CSNK1G1: variants seen among roughly 807,000 people sequenced by gnomAD.
CSNK1G1 encodes casein kinase 1 gamma 1.
A neutral mutation model predicts 59.6 loss-of-function variants in CSNK1G1; 22 were observed. The ratio of observed to expected loss-of-function variants is 0.37; its 90% CI spans 0.26 to 0.53. The LOEUF is 0.53. Among genes scored for constraint, CSNK1G1 ranks in the 20% least tolerant of loss-of-function variants. The pLI is 0.89. For missense variants in CSNK1G1, 384 were observed against 519.5 expected (o/e 0.74, Z 2.54); for synonymous variants, 179 against 177.1 (o/e 1.01, Z -0.08).
intron 2 of CSNK1G1, among the ~76,000 whole-genome samples, chr15:64,273,452 T>C (rs954632011): frequency 6.6e-6 from 1 of 152,192 alleles, no homozygotes; most frequent in African/African-American, 2.4e-5. Flanking sequence ...TGTAAATATT[T>C]TGTAAACTGC....
intron 2 of CSNK1G1, 76 bp from the exon 3 acceptor site, chr15:64,259,317 G>T: frequency 2.9e-6 from 3 of 1,031,858 alleles, no homozygotes; most frequent in South Asian, 1.5e-5. Context: ...TAGCTTACAG[G>T]GTCATGAGAA....
intron 4 of CSNK1G1, among the ~76,000 whole-genome samples, chr15:64,231,408 T>C (rs907955988): frequency 6.8e-6 from 1 of 147,202 alleles, no homozygotes; most frequent in African/African-American, 2.5e-5. Context: ...CTTGCTCATA[T>C]ATGTATATGT....
chr15:64,251,368 T>A lies in CSNK1G1; in HGVS notation c.292+144A>T, dbSNP rs1362178787. 5 of 577,606 alleles carry A rather than the reference T, an allele frequency of 8.7e-6. No individual in the cohort carries two copies. The Admixed American group carries it at 1.5e-4, about 18-fold the overall frequency. The allele number at this position is 577,606 out of a possible 1,614,324, so 35.8% of individuals were successfully genotyped here. Reference sequence around the variant, plus strand: ...AACCAGAGCGCAAGTAGCTTTGTGGTTGACTATGTTTATTTACCTATCCGG... The same window carrying A: ...AACCAGAGCGCAAGTAGCTTTGTGGATGACTATGTTTATTTACCTATCCGG... On this transcript the variant is annotated intron_variant, in intron 4 of 11. Coordinates refer to ENST00000303052, the MANE Select transcript of CSNK1G1 (RefSeq NM_022048.5).
intron 2 of CSNK1G1, among the ~76,000 whole-genome samples, chr15:64,269,771 G>A (rs1234005413): frequency 6.6e-6 from 1 of 151,768 alleles, no homozygotes; most frequent in Admixed American, 6.6e-5. Flanking sequence ...TGGGATTACA[G>A]GTGTGAGCCA....
At chr15:64,173,619 C>CTTTTTTTTTTTTTTTTTT (rs928192194) in intron 11 of CSNK1G1, among the ~76,000 whole-genome samples, 1 of 108,564 alleles carries the variant, frequency 9.2e-6, no homozygotes, top group Non-Finnish European at 1.9e-5. Context: ...CTTTTCTTTT[C>CTTTTTTTTTTTTTTTTTT]TTTTTTTTTT....
At chr15:64,343,723 G>A (rs1379073437) in intron 1 of CSNK1G1, among the ~76,000 whole-genome samples, 1 of 150,970 alleles carries the variant, frequency 6.6e-6, no homozygotes, top group East Asian at 2.0e-4. Flanking sequence ...ACTCGAAATT[G>A]AAGATATAAT....
At chr15:64,259,377 G>C in intron 2 of CSNK1G1, 136 bp from the exon 3 acceptor site, 1 of 613,902 alleles carries the variant, frequency 1.6e-6, no homozygotes, top group South Asian at 2.3e-5. Context: ...ATTTATAAGC[G>C]AAAAGCTACA....
At chr15:64,233,649 G>A (rs76752442) in intron 4 of CSNK1G1, among the ~76,000 whole-genome samples, 2,312 of 152,212 alleles carry the variant, frequency 0.015, 53 homozygotes, top group African/African-American at 0.046. Flanking sequence ...ACACACAACT[G>A]GAAAATTCGT....
chr15:64,259,474 A>C (rs2140330193), intron 2 of CSNK1G1, among the ~76,000 whole-genome samples: 1 of 139,560 alleles, frequency 7.2e-6, no homozygotes, highest in East Asian at 2.2e-4. Context: ...AGAGAAAACA[A>C]ATCTCTCTTA....
intron 1 of CSNK1G1, among the ~76,000 whole-genome samples, chr15:64,344,216 A>T (rs568511691): frequency 1.3e-5 from 2 of 152,220 alleles, no homozygotes; most frequent in Non-Finnish European, 2.9e-5. Context: ...ATATTTAAAG[A>T]TGCTGAAACT....
rs1165768581 is a variant in CSNK1G1, at chr15:64,352,447, C to CTTTTTTTTTTTTTTT, written c.-225+3526_-225+3540dup. ...ATCACAAAACATAATTTGAATTCTT[C>CTTTTTTTTTTTTTTT]TTTTTTTTTTTTTTTTTTTGAGATG... On this transcript the variant is annotated intron_variant, in intron 1 of 11. Transcript: ENST00000303052. Among the ~76,000 whole-genome samples, 19 of 89,426 alleles carry CTTTTTTTTTTTTTTT rather than the reference C, an allele frequency of 2.1e-4. 1 individual carries two copies. Among genetic ancestry groups the CTTTTTTTTTTTTTTT allele is most frequent in the African/African-American group, 7.0e-4 (16 of 22,734 alleles). The allele number at this position is 89,426 out of a possible 152,430, so 58.7% of individuals were successfully genotyped here.
intron 2 of CSNK1G1, among the ~76,000 whole-genome samples, chr15:64,273,093 G>T (rs73462593): frequency 0.015 from 2,252 of 152,248 alleles, 59 homozygotes; most frequent in African/African-American, 0.052. Context: ...AGAACCTATT[G>T]ATGAAGTTAA....
At chr15:64,224,758 G>A (rs558977154) in intron 4 of CSNK1G1, among the ~76,000 whole-genome samples, 5 of 152,124 alleles carry the variant, frequency 3.3e-5, no homozygotes, top group African/African-American at 9.7e-5. Flanking sequence ...CTGCTAACAC[G>A]AGCTCAAATT....
At chr15:64,321,258 C>CTT (rs371870605) in intron 1 of CSNK1G1, among the ~76,000 whole-genome samples, 7 of 140,028 alleles carry the variant, frequency 5.0e-5, no homozygotes, top group South Asian at 2.3e-4. Flanking sequence ...TCTTTTTTTC[C>CTT]TTTTTTTTTT....
intron 2 of CSNK1G1, among the ~76,000 whole-genome samples, chr15:64,280,652 C>A (rs1056043851): frequency 6.6e-6 from 1 of 151,920 alleles, no homozygotes; most frequent in African/African-American, 2.4e-5. Context: ...TGAGCCACTG[C>A]GCCCGGCCCC....
intron 8 of CSNK1G1, 25 bp downstream of exon 8, chr15:64,204,840 C>G (rs972852493): frequency 6.7e-7 from 1 of 1,499,926 alleles, no homozygotes; most frequent in South Asian, 1.1e-5. Context: ...CTCAGTCACA[C>G]TGGAATGTCT....
chr15:64,203,209 A>C lies in CSNK1G1; in HGVS notation c.1000-20T>G, dbSNP rs1327915077. 1.3e-6 allele frequency: 2 copies of C among 1,554,132 alleles called. No individual in the cohort carries two copies. Among genetic ancestry groups the C allele is most frequent in the East Asian group, 2.2e-5 (1 of 44,584 alleles). On this transcript the variant is annotated intron_variant, in intron 9 of 11. Transcript: ENST00000303052. ...AGTAGGCTAGAAAAATGAAACAAAA[A>C]GTCAAATGGGGGAAACAGGTCCAAC... is the stretch of plus-strand genomic sequence containing the variant.
intron 2 of CSNK1G1, among the ~76,000 whole-genome samples, chr15:64,269,458 T>C (rs917580584): frequency 9.2e-5 from 14 of 151,902 alleles, no homozygotes; most frequent in Non-Finnish European, 1.6e-4. Context: ...CTGGCTTGTG[T>C]GCACAGAGGT....
chr15:64,353,646 C>CAAA (rs11301406), intron 1 of CSNK1G1, among the ~76,000 whole-genome samples: 14 of 113,390 alleles, frequency 1.2e-4, no homozygotes, highest in Non-Finnish European at 2.6e-4. Flanking sequence ...GACTCCATTT[C>CAAA]AAAAAAAAAA....
Sources: gnomAD v4.1 joint callset for allele counts (sites outside exome capture counted in the v4.1 genomes callset) on GRCh38, gnomAD v4.1.1 for gene constraint, MANE v1.5 for transcripts, NCBI Gene and HGNC (gene_info 2026-07-23, HGNC 2026-07-21) for gene names.